Variants in SLC13A3 observed in about 807,000 individuals in gnomAD.
The protein encoded by SLC13A3 is solute carrier family 13 member 3, also known as Na(+)/dicarboxylate cotransporter 3.
Under a neutral mutation model 59.0 loss-of-function variants are expected in SLC13A3, and 40 were observed. That is an observed-to-expected ratio of 0.68 (90% CI 0.53 to 0.88). The LOEUF is 0.88. Among genes scored for constraint, SLC13A3 ranks in the 40% least tolerant of loss-of-function variants. SLC13A3 has a pLI of 0.00. For synonymous variants in SLC13A3, 317 were observed against 330.3 expected (o/e 0.96, Z 0.44); for missense variants, 699 against 783.2 (o/e 0.89, Z 1.28).
chr20:46,594,370 C>G (rs2062288649), intron 5 of SLC13A3, among the ~76,000 whole-genome samples: 1 of 152,080 alleles, frequency 6.6e-6, no homozygotes, highest in Non-Finnish European at 1.5e-5. Flanking sequence ...CTACTCACAT[C>G]AGGGCAGGCA....
At chr20:46,632,006 C>A (rs2062743378) in intron 1 of SLC13A3, among the ~76,000 whole-genome samples, 1 of 152,284 alleles carries the variant, frequency 6.6e-6, no homozygotes, top group South Asian at 2.1e-4. Context: ...CCTGCCCCAG[C>A]TCCCTGCTGG....
chr20:46,598,694 C>T (rs1048274952), intron 4 of SLC13A3, among the ~76,000 whole-genome samples: 2 of 152,096 alleles, frequency 1.3e-5, no homozygotes, highest in African/African-American at 2.4e-5. Flanking sequence ...TAAGGTCATG[C>T]CCCTCTCCTG....
At chr20:46,572,447 C>T (rs748980213) in intron 10 of SLC13A3, among the ~76,000 whole-genome samples, 3 of 152,168 alleles carry the variant, frequency 2.0e-5, no homozygotes, top group Non-Finnish European at 4.4e-5. Flanking sequence ...GCATGCCCAG[C>T]GTCCCGCAGC....
chr20:46,575,524 C>T lies in SLC13A3; in HGVS notation c.1332+49G>A, dbSNP rs770347489. On this transcript the variant is annotated intron_variant, in intron 10 of 12. Transcript: ENST00000279027. Reference sequence around the variant, plus strand: ...TGCAGCCAGCACTGGGACCCGCCCACACCTGCCTCCCACTGTTCCTGCTGG... The same window carrying T: ...TGCAGCCAGCACTGGGACCCGCCCATACCTGCCTCCCACTGTTCCTGCTGG... The T allele has an allele frequency of 1.1e-5, 13 of 1,186,388 alleles. No homozygotes were observed. The South Asian group carries it at 1.8e-4, about 17-fold the overall frequency. The allele number at this position is 1,186,388 out of a possible 1,614,324, so 73.5% of individuals were successfully genotyped here. A position where few individuals can be genotyped will look rare whatever the true frequency, so the allele number is the denominator to read the frequency against.
At chr20:46,620,106 C>G (rs1164105647) in intron 1 of SLC13A3, among the ~76,000 whole-genome samples, 1 of 152,164 alleles carries the variant, frequency 6.6e-6, no homozygotes, top group African/African-American at 2.4e-5. Flanking sequence ...TTGCAAAATT[C>G]AGAATATCTC....
intron 3 of SLC13A3, among the ~76,000 whole-genome samples, chr20:46,602,767 T>C (rs1299671415): frequency 6.6e-6 from 1 of 152,258 alleles, no homozygotes; most frequent in East Asian, 1.9e-4. Flanking sequence ...CCCACCCAAA[T>C]GTCATTGGTA....
chr20:46,569,375 A>G (rs1035336259), intron 10 of SLC13A3, among the ~76,000 whole-genome samples: 3 of 152,214 alleles, frequency 2.0e-5, no homozygotes, highest in Non-Finnish European at 4.4e-5. Flanking sequence ...TCCAGGGACC[A>G]GCAACAGCCA....
chr20:46,563,647 G>T, intron 11 of SLC13A3, 96 bp from the exon 12 acceptor site: 1 of 1,214,378 alleles, frequency 8.2e-7, no homozygotes, highest in Non-Finnish European at 1.1e-6. Context: ...TTGGAAAGAG[G>T]GACACAAAGA....
intron 1 of SLC13A3, among the ~76,000 whole-genome samples, chr20:46,637,779 G>T (rs1034005728): frequency 6.6e-6 from 1 of 152,130 alleles, no homozygotes. Context: ...CTTGCCCAAG[G>T]TCACACAGCT....
intron 3 of SLC13A3, among the ~76,000 whole-genome samples, chr20:46,600,281 GA>G (rs1308145036): frequency 3.7e-4 from 48 of 130,880 alleles, no homozygotes; most frequent in African/African-American, 1.4e-3. Flanking sequence ...GAAAGGAAAG[GA>G]AAGGGAGGGA....
At chr20:46,625,220 T>C (rs766108854) in intron 1 of SLC13A3, among the ~76,000 whole-genome samples, 1 of 152,182 alleles carries the variant, frequency 6.6e-6, no homozygotes, top group Non-Finnish European at 1.5e-5. Flanking sequence ...TTCCAGCCTG[T>C]AGAGCCCTCA....
At chr20:46,600,369 G>T (rs1320697489) in intron 3 of SLC13A3, among the ~76,000 whole-genome samples, 1 of 144,018 alleles carries the variant, frequency 6.9e-6, no homozygotes, top group South Asian at 2.2e-4. Flanking sequence ...GGAAAGAAAA[G>T]GAAGGGAAAG....
rs1037992097 is a variant in SLC13A3, at chr20:46,651,413, C to T, written c.9G>A (p.Ala3=). MA[A]LAAAAKKVWS... Reference sequence around the variant, plus strand: ...ACACCTTCTTGGCCGCTGCTGCCAGCGCCGCCATCAGCGCGATCGCCTGGC... The same window carrying T: ...ACACCTTCTTGGCCGCTGCTGCCAGTGCCGCCATCAGCGCGATCGCCTGGC... The change falls in exon 1 of 13, where the codon GCG becomes GCA. Residue 3 remains alanine (A), a synonymous_variant. Transcript: ENST00000279027. 3.4e-6 allele frequency: 5 copies of T among 1,486,818 alleles called. No homozygotes were observed. The highest frequency in any genetic ancestry group is 4.4e-6 in the Non-Finnish European group (5 of 1,124,222). The allele number at this position is 1,486,818 out of a possible 1,614,324, so 92.1% of individuals were successfully genotyped here. A position where few individuals can be genotyped will look rare whatever the true frequency, so the allele number is the denominator to read the frequency against.
chr20:46,656,013 A>G (rs2062986525), upstream of SLC13A3, among the ~76,000 whole-genome samples: 1 of 138,520 alleles, frequency 7.2e-6, no homozygotes, highest in Admixed American at 7.3e-5. Context: ...TATACTATAT[A>G]TACAGTATAT....
intron 1 of SLC13A3, among the ~76,000 whole-genome samples, chr20:46,634,704 G>T (rs1039045709): frequency 3.3e-5 from 5 of 152,216 alleles, no homozygotes; most frequent in Non-Finnish European, 7.3e-5. Context: ...GGTTGTGGGG[G>T]TGTGCCCTGG....
chr20:46,643,779 C>T (rs6017958), intron 1 of SLC13A3, among the ~76,000 whole-genome samples: 22 of 152,084 alleles, frequency 1.4e-4, no homozygotes, highest in African/African-American at 4.8e-4. Context: ...TACAGTTGCT[C>T]GTGCCTGTAA....
chr20:46,657,109 A>G (rs1210575490), intron 1 of SLC13A3, among the ~76,000 whole-genome samples: 2 of 152,064 alleles, frequency 1.3e-5, no homozygotes, highest in Non-Finnish European at 2.9e-5. Flanking sequence ...CCTCATCTCT[A>G]CTAACAAACC....
At chr20:46,656,637 T>C (rs2122902812) in intron 1 of SLC13A3, among the ~76,000 whole-genome samples, 1 of 149,480 alleles carries the variant, frequency 6.7e-6, no homozygotes, top group East Asian at 1.9e-4. Context: ...GTATATGATA[T>C]ATACTACCTA....
intron 9 of SLC13A3, among the ~76,000 whole-genome samples, chr20:46,579,063 G>A (rs2062108777): frequency 6.6e-6 from 1 of 152,120 alleles, no homozygotes. Context: ...AGAAAATCAA[G>A]GCTGGCTTGA....
Sources: allele counts gnomAD v4.1 joint callset (sites outside exome capture counted in the v4.1 genomes callset), GRCh38; gene constraint gnomAD v4.1.1; transcripts MANE v1.5; gene names NCBI Gene and HGNC (gene_info 2026-07-23, HGNC 2026-07-21).